Variants in RIMS2 observed in about 807,000 individuals in gnomAD.
RIMS2 encodes the protein regulating synaptic membrane exocytosis 2.
A neutral mutation model predicts 174.4 loss-of-function variants in RIMS2; 59 were observed. The ratio of observed to expected loss-of-function variants is 0.34; its 90% CI spans 0.27 to 0.42. RIMS2 has a LOEUF of 0.42. RIMS2 is among the 10% of genes least tolerant of loss of function. RIMS2 has a pLI of 1.00. For synonymous variants in RIMS2, 606 were observed against 572.5 expected, an observed-to-expected ratio of 1.06 and a Z score of -0.84; for missense variants, 1,620 against 1,666.3, an observed-to-expected ratio of 0.97 and a Z score of 0.48.
intron 3 of RIMS2, among the ~76,000 whole-genome samples, chr8:103,880,859 T>G (rs2099163980): frequency 6.6e-6 from 1 of 151,598 alleles, no homozygotes; most frequent in South Asian, 2.1e-4. Context: ...AATCCTTGAT[T>G]TAATGTGTTT....
intron 19 of RIMS2, among the ~76,000 whole-genome samples, chr8:104,197,717 G>T (rs1429620377): frequency 3.3e-5 from 5 of 152,206 alleles, no homozygotes; most frequent in African/African-American, 1.2e-4. Flanking sequence ...GAGTGCCAGA[G>T]GATCTTCTGG....
intron 3 of RIMS2, among the ~76,000 whole-genome samples, chr8:103,870,757 C>T (rs2099107584): frequency 2.6e-5 from 4 of 152,000 alleles, no homozygotes; most frequent in Admixed American, 2.6e-4. Flanking sequence ...TTCTCTTCCA[C>T]TGCTTTAATT....
intron 3 of RIMS2, among the ~76,000 whole-genome samples, chr8:103,804,319 AC>A (rs1158951211): frequency 1.3e-5 from 2 of 152,244 alleles, no homozygotes; most frequent in African/African-American, 4.8e-5. Context: ...TATAGGTTTG[AC>A]CCTGCAGATC....
chr8:103,599,440 A>G (rs565274246), intron 1 of RIMS2, among the ~76,000 whole-genome samples: 9 of 147,974 alleles, frequency 6.1e-5, no homozygotes, highest in African/African-American at 2.2e-4. Context: ...ATGTGTATAT[A>G]TATATTTTTT....
chr8:103,908,223 A>G (rs1594934560), intron 4 of RIMS2, among the ~76,000 whole-genome samples: 1 of 151,838 alleles, frequency 6.6e-6, no homozygotes, highest in East Asian at 1.9e-4. Context: ...TTGTATTTTT[A>G]GTAGAGATGG....
At chr8:103,802,537 T>A (rs1223276289) in intron 3 of RIMS2, among the ~76,000 whole-genome samples, 1 of 152,234 alleles carries the variant, frequency 6.6e-6, no homozygotes, top group Non-Finnish European at 1.5e-5. Flanking sequence ...GCAGCCATAC[T>A]AAGGTGAGGC....
chr8:104,057,517 T>C (rs887082036), intron 19 of RIMS2, among the ~76,000 whole-genome samples: 3 of 152,128 alleles, frequency 2.0e-5, no homozygotes, highest in African/African-American at 7.2e-5. Context: ...TCCCTCCTAA[T>C]CAACTTATAT....
chr8:103,815,530 C>G (rs1593028078), intron 3 of RIMS2, among the ~76,000 whole-genome samples: 1 of 152,152 alleles, frequency 6.6e-6, no homozygotes, highest in South Asian at 2.1e-4. Context: ...TTGCCATCAT[C>G]TATACCATTT....
At chr8:103,782,473 C>T (rs1385209024) in intron 3 of RIMS2, among the ~76,000 whole-genome samples, 1 of 147,608 alleles carries the variant, frequency 6.8e-6, no homozygotes, top group Non-Finnish European at 1.5e-5. Flanking sequence ...TGTGTACTTA[C>T]AGTTTTGCAA....
intron 19 of RIMS2, among the ~76,000 whole-genome samples, chr8:104,122,664 A>G (rs746664851): frequency 1.6e-4 from 24 of 152,308 alleles, no homozygotes; most frequent in Middle Eastern, 3.4e-3. Context: ...ATGGATCTGC[A>G]TATTTCTATT....
chr8:103,592,907 T>G lies in RIMS2; in HGVS notation c.176+91845T>G, dbSNP rs548271133. The stretch of plus-strand genomic sequence containing the variant: ...CGTGTGATGAAATGGGAAGTACTAA[T>G]AGAACACTTCTACATATTGGAGAAT... On this transcript the variant is annotated intron_variant, in intron 1 of 23. Coordinates refer to ENST00000504942, the Ensembl canonical transcript of RIMS2. Among the ~76,000 whole-genome samples, 6 of 151,514 alleles carry G rather than the reference T, an allele frequency of 4.0e-5. No homozygotes were observed. In the East Asian group the frequency reaches 1.2e-3, roughly 29 times the overall value.
At chr8:103,912,970 G>T (rs113416869) in intron 6 of RIMS2, among the ~76,000 whole-genome samples, 15,661 of 114,348 alleles carry the variant, frequency 0.14, 1,282 homozygotes, top group Non-Finnish European at 0.2. Context: ...TTTTTTTGTT[G>T]TTTTTTTTTT....
intron 1 of RIMS2, among the ~76,000 whole-genome samples, chr8:103,610,817 G>T (rs769293356): frequency 4.6e-5 from 7 of 152,160 alleles, no homozygotes; most frequent in African/African-American, 2.4e-5. Flanking sequence ...CCATGTTTTG[G>T]TATCAGGATA....
chr8:103,933,383 G>A (rs1259403293), intron 12 of RIMS2, among the ~76,000 whole-genome samples: 1 of 151,818 alleles, frequency 6.6e-6, no homozygotes, highest in Non-Finnish European at 1.5e-5. Flanking sequence ...CTACTCGGGA[G>A]GCTGAGACAG....
intron 3 of RIMS2, among the ~76,000 whole-genome samples, chr8:103,822,847 A>G (rs938648289): frequency 6.6e-6 from 1 of 151,954 alleles, no homozygotes; most frequent in East Asian, 1.9e-4. Flanking sequence ...ACAAAGATAA[A>G]TGCTTTTGTC....
chr8:104,135,842 G>C (rs1443214646), intron 19 of RIMS2, among the ~76,000 whole-genome samples: 2 of 151,996 alleles, frequency 1.3e-5, no homozygotes, highest in African/African-American at 4.8e-5. Context: ...AAAGTGGAGG[G>C]CTCAAGGTTC....
At chr8:103,603,120 T>C (rs1476554011) in intron 1 of RIMS2, among the ~76,000 whole-genome samples, 1 of 150,166 alleles carries the variant, frequency 6.7e-6, no homozygotes, top group Admixed American at 6.6e-5. Flanking sequence ...TAGCATTAGG[T>C]ATATCTCCCA....
intron 2 of RIMS2, among the ~76,000 whole-genome samples, chr8:103,752,855 A>G (rs929771843): frequency 2.6e-5 from 4 of 152,150 alleles, no homozygotes; most frequent in Admixed American, 6.5e-5. Flanking sequence ...GGGGTTTTCT[A>G]TATATACAAT....
Position 104,036,750 on chromosome 8 carries a change from A to G in RIMS2, c.3334+22135A>G, listed in dbSNP as rs530760749. Among the ~76,000 whole-genome samples, 21 of 151,746 alleles carry G rather than the reference A, an allele frequency of 1.4e-4. No homozygotes were observed. The East Asian group carries it at 3.4e-3, about 24-fold the overall frequency. On this transcript the variant is annotated intron_variant, in intron 19 of 23. Coordinates refer to ENST00000504942, the Ensembl canonical transcript of RIMS2. ...AAGTTAGCTGGGTGTGGTGGCGTGC[A>G]CCTGTAATCCCAGCTACTCAGGAGG...
Sources: allele counts gnomAD v4.1 joint callset (sites outside exome capture counted in the v4.1 genomes callset), GRCh38; gene constraint gnomAD v4.1.1; transcripts MANE v1.5; gene names NCBI Gene and HGNC (gene_info 2026-07-23, HGNC 2026-07-21).